The following C16orf96 variants were observed in gnomAD, a reference collection of about 807,000 sequenced individuals.
C16orf96 encodes uncharacterized protein C16orf96.
C16orf96 carries 108 observed loss-of-function variants against 103.6 expected under a neutral mutation model. The ratio of observed to expected loss-of-function variants is 1.04; its 90% CI spans 0.89 to 1.22. The LOEUF is 1.22. C16orf96 is among the 50% of genes most tolerant of loss of function. The pLI is 0.00. For synonymous variants in C16orf96, 566 were observed against 593.5 expected (o/e 0.95, Z 0.67); for missense variants, 1,586 against 1,464.2 (o/e 1.08, Z -1.36).
chr16:4,556,967 G>A, intron 1 of C16orf96, 58 bp downstream of exon 1: 1 of 1,460,476 alleles, frequency 6.8e-7, no homozygotes, highest in South Asian at 1.4e-5. Context: ...CTCTCTCCTG[G>A]GACGTCTTTT....
At chr16:4,584,552 C>A (rs1043171759) in intron 7 of C16orf96, among the ~76,000 whole-genome samples, 2 of 146,912 alleles carry the variant, frequency 1.4e-5, no homozygotes, top group African/African-American at 5.0e-5. Flanking sequence ...TGTTTTTGTT[C>A]GAGGCAGAAT....
intron 1 of C16orf96, chr16:4,561,640 A>G (rs546427953): frequency 6.6e-6 from 1 of 152,342 alleles, no homozygotes; most frequent in East Asian, 1.9e-4. Flanking sequence ...CTGTTTGTGC[A>G]GCTAAGGAAT....
chr16:4,583,794 G>A (rs866538962), intron 7 of C16orf96, among the ~76,000 whole-genome samples: 26 of 151,638 alleles, frequency 1.7e-4, no homozygotes, highest in South Asian at 8.3e-4. Context: ...GCGTGGTGGC[G>A]CATGCCTGTA....
upstream of C16orf96, among the ~76,000 whole-genome samples, chr16:4,555,088 C>A (rs906172944): frequency 6.6e-6 from 1 of 151,632 alleles, no homozygotes; most frequent in Admixed American, 6.6e-5. Context: ...CATGGTGAAA[C>A]CCCATCTCCA....
intron 6 of C16orf96, among the ~76,000 whole-genome samples, chr16:4,579,796 G>C (rs2141730597): frequency 6.6e-6 from 1 of 152,170 alleles, no homozygotes; most frequent in East Asian, 1.9e-4. Flanking sequence ...ATTTTTTGTA[G>C]AGACTGGTTT....
the C16orf96 span, among the ~76,000 whole-genome samples, chr16:4,551,335 G>A: frequency 1.3e-5 from 2 of 151,938 alleles, no homozygotes; most frequent in African/African-American, 2.4e-5. Flanking sequence ...CCACACCAGC[G>A]TGCCCACTCC....
Position 4,594,686 on chromosome 16 carries a change from A to T in C16orf96, c.3028-18A>T, listed in dbSNP as rs1555440564. 6.4e-7 allele frequency: 1 copy of T among 1,550,900 alleles called. No individual in the cohort carries two copies. The highest frequency in any genetic ancestry group is 1.2e-5 in the South Asian group (1 of 84,040). The stretch of plus-strand genomic sequence containing the variant: ...CGGGTCGGGGGCTCCCTAACCCGGG[A>T]CCTGGGCCATCCAACAGGCCGAGGT... On this transcript the variant is annotated intron_variant, in intron 13 of 15. Transcript: ENST00000444310.
intron 15 of C16orf96, 74 bp from the exon 16 acceptor site, chr16:4,600,026 G>A: frequency 7.3e-7 from 1 of 1,364,462 alleles, no homozygotes; most frequent in Admixed American, 2.0e-5. Context: ...CTTTAGTGGG[G>A]ATGGCCCCAT....
At chr16:4,587,353 C>T (rs1229396706) in intron 8 of C16orf96, among the ~76,000 whole-genome samples, 1 of 151,784 alleles carries the variant, frequency 6.6e-6, no homozygotes, top group Non-Finnish European at 1.5e-5. Context: ...CATGATGAAA[C>T]TCCGTCTCTA....
At chr16:4,557,533 G>A (rs529250418) in intron 1 of C16orf96, among the ~76,000 whole-genome samples, 3 of 152,168 alleles carry the variant, frequency 2.0e-5, no homozygotes, top group Non-Finnish European at 4.4e-5. Context: ...TAATTGCTTT[G>A]TGGATATAGG....
the C16orf96 span, among the ~76,000 whole-genome samples, chr16:4,543,213 G>C: frequency 3.9e-5 from 6 of 152,286 alleles, no homozygotes; most frequent in African/African-American, 9.6e-5. Flanking sequence ...GGATTCCCCA[G>C]GTGAAAGAAG....
chr16:4,556,104 C>T (rs146894695), upstream of C16orf96, among the ~76,000 whole-genome samples: 3 of 152,272 alleles, frequency 2.0e-5, no homozygotes, highest in Non-Finnish European at 4.4e-5. Flanking sequence ...AGGGAGCTGC[C>T]TCTCCATCCC....
At chr16:4,588,002 C>T (rs1480703732) in intron 8 of C16orf96, among the ~76,000 whole-genome samples, 165 bp from the exon 9 acceptor site, 3 of 152,108 alleles carry the variant, frequency 2.0e-5, no homozygotes, top group Non-Finnish European at 4.4e-5. Context: ...GCTTTGATCT[C>T]GAGATCGTGT....
intron 5 of C16orf96, among the ~76,000 whole-genome samples, 179 bp downstream of exon 5, chr16:4,576,814 G>T (rs891696419): frequency 1.3e-5 from 2 of 152,188 alleles, no homozygotes; most frequent in African/African-American, 4.8e-5. Flanking sequence ...TCTGTTGAAT[G>T]TACAATGAGG....
the C16orf96 span, among the ~76,000 whole-genome samples, chr16:4,541,906 G>A: frequency 1.3e-5 from 2 of 152,216 alleles, no homozygotes; most frequent in African/African-American, 4.8e-5. Flanking sequence ...CAGGCTCACA[G>A]GAACCTAGGT....
At chr16:4,569,323 CTA>C (rs1052637970) in intron 1 of C16orf96, among the ~76,000 whole-genome samples, 13 of 152,174 alleles carry the variant, frequency 8.5e-5, no homozygotes, top group Non-Finnish European at 2.9e-5. Flanking sequence ...AAGTCTCAAA[CTA>C]TTCTTGTTAA....
chr16:4,553,991 C>T (rs572319298), upstream of C16orf96, among the ~76,000 whole-genome samples: 20 of 152,116 alleles, frequency 1.3e-4, no homozygotes, highest in Non-Finnish European at 2.2e-4. Flanking sequence ...TGGCGCGGGA[C>T]CAGGAATGTG....
In C16orf96 at chr16:4,556,823, C is replaced by T. The variant is rs2059268986; in HGVS notation, c.334C>T (p.Gln112Ter). The change falls in exon 1 of 16, where the codon CAG becomes TAG. Residue 112 changes from glutamine to a stop codon, truncating the protein, a stop_gained. Coordinates refer to ENST00000444310, the MANE Select transcript of C16orf96 (RefSeq NM_001145011.2). LOFTEE classifies it high-confidence loss of function. ...CACTGCCCAGCTGCTGGAAGCCAGC[C>T]AGGGCACTGCCCGGCCCGTCCAGGA... is the stretch of plus-strand genomic sequence containing the variant. ...PSTAQLLEASQGTARPVQDLW... is the reference protein window; with the variant it reads ...PSTAQLLEAS 1 of 1,551,674 alleles carries T rather than the reference C, an allele frequency of 6.4e-7. No individual in the cohort carries two copies. Among genetic ancestry groups the T allele is most frequent in the Admixed American group, 2.0e-5 (1 of 51,002 alleles).
chr16:4,582,751 C>A (rs1896821330), intron 7 of C16orf96, among the ~76,000 whole-genome samples: 1 of 152,152 alleles, frequency 6.6e-6, no homozygotes, highest in Admixed American at 6.5e-5. Flanking sequence ...TCAGCATGTC[C>A]ATCGTGCACC....
Sources: gnomAD v4.1 joint callset for allele counts (sites outside exome capture counted in the v4.1 genomes callset) on GRCh38, gnomAD v4.1.1 for gene constraint, MANE v1.5 for transcripts, NCBI Gene and HGNC (gene_info 2026-07-23, HGNC 2026-07-21) for gene names.